SLC18B1: variants seen among roughly 807,000 people sequenced by gnomAD.
SLC18B1 encodes the protein MFS-type transporter SLC18B1.
A neutral mutation model predicts 53.9 loss-of-function variants in SLC18B1; 62 were observed. That is an observed-to-expected ratio of 1.15 (90% CI 0.94 to 1.42). The LOEUF (loss-of-function observed/expected upper bound fraction) is 1.42. Among genes scored for constraint, SLC18B1 ranks in the 40% most tolerant of loss-of-function variants. The probability of loss-of-function intolerance (pLI) is 0.00; values close to 1 mark genes in which losing one functional copy is unlikely to be tolerated. For missense variants in SLC18B1, 598 were observed against 547.3 expected (o/e 1.09, Z -0.93); for synonymous variants, 217 against 200.9 (o/e 1.08, Z -0.68).
chr6:132,792,296 G>GAAGA (rs1781560643), intron 2 of SLC18B1, among the ~76,000 whole-genome samples: 5 of 29,628 alleles, frequency 1.7e-4, no homozygotes, highest in Non-Finnish European at 3.1e-4. Flanking sequence ...AGAAAGGAAG[G>GAAGA]AAGGAAGGAA....
chr6:132,792,280 A>AAAGAAAGAAAGAAAGAAAGAAAGAAAG lies in SLC18B1; in HGVS notation c.184-2009_184-2008insCTTTCTTTCTTTCTTTCTTTCTTTCTT, dbSNP rs1554223267. On this transcript the variant is annotated intron_variant, in intron 2 of 13. Coordinates refer to ENST00000275227, the MANE Select transcript of SLC18B1 (RefSeq NM_052831.3). Reference sequence around the variant, plus strand: ...GAAAGAAAGAAAGAAAGAAAGAAAGAAAGGAAGAAAGGAAGGAAGGAAGGA... The same window carrying AAAGAAAGAAAGAAAGAAAGAAAGAAAG: ...GAAAGAAAGAAAGAAAGAAAGAAAGAAAGAAAGAAAGAAAGAAAGAAAGAAAGAAGGAAGAAAGGAAGGAAGGAAGGA... 4.4e-4 allele frequency among the ~76,000 whole-genome samples: 19 copies of AAAGAAAGAAAGAAAGAAAGAAAGAAAG among 42,698 alleles called. 2 individuals are homozygous for AAAGAAAGAAAGAAAGAAAGAAAGAAAG. Among genetic ancestry groups the AAAGAAAGAAAGAAAGAAAGAAAGAAAG allele is most frequent in the African/African-American group, 2.0e-3 (16 of 7,868 alleles). 28.0% of individuals were successfully genotyped at this position (42,698 alleles called of 152,430 possible). A position where few individuals can be genotyped will look rare whatever the true frequency, so the allele number is the denominator to read the frequency against.
intron 8 of SLC18B1, among the ~76,000 whole-genome samples, chr6:132,775,851 G>T (rs1781085701): frequency 6.6e-6 from 1 of 152,160 alleles, no homozygotes; most frequent in Non-Finnish European, 1.5e-5. Flanking sequence ...CTAGGACTTT[G>T]CCCTATTTAT....
chr6:132,793,267 A>C (rs1175879961), intron 2 of SLC18B1, among the ~76,000 whole-genome samples: 2 of 152,268 alleles, frequency 1.3e-5, no homozygotes, highest in African/African-American at 4.8e-5. Context: ...TTAGCTAATA[A>C]GAAAAATGAC....
chr6:132,796,946 A>T (rs1445016700), intron 2 of SLC18B1, 36 bp downstream of exon 2: 3 of 1,561,290 alleles, frequency 1.9e-6, no homozygotes, highest in Admixed American at 4.2e-5. Flanking sequence ...AAACAAACAA[A>T]AAAACAGAGG....
rs541455771 is a variant in SLC18B1 at position 132,783,953 on chromosome 6, A to G, written c.638T>C (p.Met213Thr). The change falls in exon 6 of 14, where the codon ATG becomes ACG. Residue 213 changes from methionine to threonine, a missense_variant. Coordinates refer to ENST00000275227, the MANE Select transcript of SLC18B1 (RefSeq NM_052831.3). ...CVVLLMVPLN[M>T]YILPNYESDP... ...CTTACCGTAATTGGGTAAAATATAC[A>G]TATTGAGTGGTACCATCAGCAAAAC... 4 of 1,600,858 alleles carry G rather than the reference A, an allele frequency of 2.5e-6. No individual in the cohort carries two copies. The highest frequency in any genetic ancestry group is 1.7e-5 in the Admixed American group (1 of 57,442).
rs1781476084 is a variant in SLC18B1 at position 132,789,779 on chromosome 6, A to G, written c.338T>C (p.Val113Ala). 6.2e-7 allele frequency: 1 copy of G among 1,612,720 alleles called. No homozygotes were observed. The highest frequency in any genetic ancestry group is 1.7e-5 in the Admixed American group (1 of 60,002). The change falls in exon 4 of 14, where the codon GTT becomes GCT. Residue 113 changes from valine (V) to alanine (A), a missense_variant. Physicochemically the swap from Val to Ala is moderately conservative, Grantham distance 64. Transcript: ENST00000275227. ...FVAGMFVSGG[V>A]TILFGVLDRV... ...AATGACTTACCCAAAGAGAATTGTA[A>G]CTCCTCCTGAGACAAACATTCCTGC...
At position 132,781,360 on chromosome 6, in the gene SLC18B1, G is replaced by C. The variant is rs115937418; in HGVS notation, c.659-1956C>G. ...GCACAGGAAGTTACTGTTAGAGATG[G>C]GGGGGTGGGGTTGTCCTCAGGTGTG... is the stretch of plus-strand genomic sequence containing the variant. On this transcript the variant is annotated intron_variant, in intron 6 of 13. Transcript: ENST00000275227. 7.9e-3 allele frequency among the ~76,000 whole-genome samples: 1,206 copies of C among 152,104 alleles called. 18 individuals are homozygous for C. Among genetic ancestry groups the C allele is most frequent in the African/African-American group, 0.028 (1,168 of 41,462 alleles).
At chr6:132,789,671 G>T in intron 4 of SLC18B1, 93 bp downstream of exon 4, 1 of 873,840 alleles carries the variant, frequency 1.1e-6, no homozygotes, top group Non-Finnish European at 1.9e-6. Flanking sequence ...ACAATAAATG[G>T]AACCATTGAC....
intron 6 of SLC18B1, among the ~76,000 whole-genome samples, chr6:132,782,235 G>A (rs1781257043): frequency 6.6e-6 from 1 of 151,340 alleles, no homozygotes; most frequent in Non-Finnish European, 1.5e-5. Context: ...TGGCTTTCAG[G>A]ATAACATTCA....
intron 2 of SLC18B1, 115 bp downstream of exon 2, chr6:132,796,867 T>G: frequency 9.0e-7 from 1 of 1,113,008 alleles, no homozygotes; most frequent in Non-Finnish European, 1.2e-6. Context: ...ATACACCATC[T>G]GTCCTATATG....
Position 132,770,116 on chromosome 6 carries a change from T to C in SLC18B1, c.*154A>G. The C allele has an allele frequency of 1.6e-6, 1 of 622,342 alleles. No homozygotes were observed. Among genetic ancestry groups the C allele is most frequent in the South Asian group, 1.9e-5 (1 of 52,354 alleles). 38.6% of individuals were successfully genotyped at this position (622,342 alleles called of 1,614,324 possible). ...CAGTATCACAGTAAGTACAGCCCAA[T>C]ACAGGATCATCCAAAAACACGTTGA... On this transcript the variant is annotated 3_prime_UTR_variant, in exon 14 of 14. Coordinates refer to ENST00000275227, the MANE Select transcript of SLC18B1 (RefSeq NM_052831.3).
rs1128998 is a variant in SLC18B1 at position 132,770,907 on chromosome 6, C to T, written c.1287G>A (p.Glu429=). Residue 429 remains glutamate, a synonymous_variant, in exon 13 of 14, where the codon GAG becomes GAA. Coordinates refer to ENST00000275227, the MANE Select transcript of SLC18B1 (RefSeq NM_052831.3). ...GACCATACCTTTTTCTCCTTGAATA[C>T]TCCAGTAGATAAAACAAGCCCATGG... ...GLAMGLFYLL[E]YSRRKRSKSQ... The T allele has an allele frequency of 0.062, 100,086 of 1,611,336 alleles. 3,389 individuals carry two copies. The highest frequency in any genetic ancestry group is 0.09 in the Middle Eastern group (542 of 6,036).
chr6:132,787,895 C>T (rs1190372910), intron 4 of SLC18B1, among the ~76,000 whole-genome samples: 2 of 152,066 alleles, frequency 1.3e-5, no homozygotes, highest in African/African-American at 4.8e-5. Flanking sequence ...GGCGCAGTGG[C>T]TCACGCCTGT....
intron 5 of SLC18B1, among the ~76,000 whole-genome samples, chr6:132,786,729 A>G (rs1781386811): frequency 6.6e-6 from 1 of 152,156 alleles, no homozygotes; most frequent in Admixed American, 6.6e-5. Context: ...TAAGGGCGCC[A>G]TACCGACTAT....
At chr6:132,786,498 G>A (rs967390212) in intron 5 of SLC18B1, among the ~76,000 whole-genome samples, 11 of 146,066 alleles carry the variant, frequency 7.5e-5, no homozygotes, top group Admixed American at 2.8e-4. Flanking sequence ...GCAGTGAGCC[G>A]AGATCGCTCC....
At chr6:132,779,443 G>C in intron 6 of SLC18B1, 39 bp from the exon 7 acceptor site, 1 of 1,565,332 alleles carries the variant, frequency 6.4e-7, no homozygotes, top group Non-Finnish European at 8.7e-7. Flanking sequence ...AAAAATGAAA[G>C]CAATTAAAAT....
chr6:132,782,645 T>C (rs1781267350), intron 6 of SLC18B1, among the ~76,000 whole-genome samples: 1 of 152,188 alleles, frequency 6.6e-6, no homozygotes, highest in Admixed American at 6.5e-5. Context: ...AAAGCCATAT[T>C]GTCTATGGGT....
chr6:132,771,060 T>C lies in SLC18B1; in HGVS notation c.1230A>G (p.Ile410Met), dbSNP rs147717829. Residue 410 changes from isoleucine to methionine, a missense_variant, in exon 12 of 14, where the codon ATA (isoleucine) becomes ATG (methionine). Ile to Met is a conservative substitution (Grantham distance 10). Coordinates refer to ENST00000275227, the MANE Select transcript of SLC18B1 (RefSeq NM_052831.3). ...CACTTATCAGAGCCCATAGACCTTG[T>C]ATAGCTGCTGCCCATTCAAAACCAA... ...EKIGFEWAAAIQGLWALISGL... is the reference protein window; with the variant it reads ...EKIGFEWAAAMQGLWALISGL... 4.7e-3 allele frequency: 7,576 copies of C among 1,614,130 alleles called. 26 individuals carry two copies. The highest frequency in any genetic ancestry group is 5.6e-3 in the Non-Finnish European group (6,562 of 1,179,992).
intron 1 of SLC18B1, 47 bp from the exon 2 acceptor site, chr6:132,797,168 A>T (rs983798943): frequency 6.2e-7 from 1 of 1,605,652 alleles, no homozygotes; most frequent in Non-Finnish European, 8.5e-7. Context: ...GAGACTACTG[A>T]TTAAAGTACA....
Sources: gnomAD v4.1 joint callset for allele counts (sites outside exome capture counted in the v4.1 genomes callset) on GRCh38, gnomAD v4.1.1 for gene constraint, MANE v1.5 for transcripts, NCBI Gene and HGNC (gene_info 2026-07-23, HGNC 2026-07-21) for gene names.